PACRG: variants seen among roughly 807,000 people sequenced by gnomAD.
PACRG encodes parkin coregulated.
A neutral mutation model predicts 29.7 loss-of-function variants in PACRG; 29 were observed. The observed-to-expected ratio is 0.98, with a 90% confidence interval of 0.73 to 1.33. The LOEUF (loss-of-function observed/expected upper bound fraction) is 1.33, where lower values mean the gene tolerates loss of function less well. Ranked by LOEUF, PACRG falls within the 40% of genes most tolerant of loss-of-function variation. The pLI, the probability that PACRG is intolerant of heterozygous loss-of-function variation, is 0.00. For synonymous variants in PACRG, 116 were observed against 118.7 expected (o/e 0.98, Z 0.15); for missense variants, 279 against 316.2 (o/e 0.88, Z 0.89).
intron 1 of PACRG, among the ~76,000 whole-genome samples, chr6:162,734,837 C>T (rs535362116): frequency 6.6e-6 from 1 of 152,320 alleles, no homozygotes; most frequent in South Asian, 2.1e-4. Flanking sequence ...ATACAACCAA[C>T]ACCCAAATCC....
intron 4 of PACRG, among the ~76,000 whole-genome samples, chr6:163,116,990 C>T (rs1178724826): frequency 1.3e-5 from 2 of 152,102 alleles, no homozygotes; most frequent in Admixed American, 6.5e-5. Context: ...TGTCCCGTGG[C>T]CAGCATCATT....
At chr6:163,062,343 C>T (rs201663557) in intron 3 of PACRG, 22 bp downstream of exon 3, 262 of 1,603,262 alleles carry the variant, frequency 1.6e-4, no homozygotes, top group Middle Eastern at 1.2e-3. Flanking sequence ...GGTGAAAAAG[C>T]ATCACTCAGT....
intron 4 of PACRG, among the ~76,000 whole-genome samples, chr6:163,093,128 G>A (rs1814265074): frequency 6.6e-6 from 1 of 152,192 alleles, no homozygotes; most frequent in Admixed American, 6.5e-5. Flanking sequence ...TAATCTCTCA[G>A]CTTGAATATG....
chr6:162,889,583 A>G (rs1339401989), intron 2 of PACRG, among the ~76,000 whole-genome samples: 1 of 152,198 alleles, frequency 6.6e-6, no homozygotes, highest in African/African-American at 2.4e-5. Flanking sequence ...AAACCAATAC[A>G]TTCTGTCTTC....
At chr6:163,094,362 A>T (rs1333045730) in intron 4 of PACRG, among the ~76,000 whole-genome samples, 1 of 152,240 alleles carries the variant, frequency 6.6e-6, no homozygotes, top group African/African-American at 2.4e-5. Flanking sequence ...CCATGAGATT[A>T]TCCTAAATTC....
chr6:163,063,734 A>G (rs1286538768), intron 3 of PACRG, among the ~76,000 whole-genome samples: 1 of 152,046 alleles, frequency 6.6e-6, no homozygotes, highest in African/African-American at 2.4e-5. Flanking sequence ...AAACCAAACC[A>G]AAGGACGGTG....
At chr6:163,034,148 C>A (rs1048053822) in intron 2 of PACRG, among the ~76,000 whole-genome samples, 3 of 152,062 alleles carry the variant, frequency 2.0e-5, no homozygotes, top group African/African-American at 7.2e-5. Flanking sequence ...AGAGAAAGAC[C>A]CACCCATTGC....
chr6:163,099,987 G>A (rs1369894259), intron 4 of PACRG, among the ~76,000 whole-genome samples: 1 of 152,204 alleles, frequency 6.6e-6, no homozygotes, highest in South Asian at 2.1e-4. Context: ...CTAGGAGCTC[G>A]CAGAGGGACG....
intron 2 of PACRG, among the ~76,000 whole-genome samples, chr6:162,984,820 G>C (rs181971560): frequency 6.8e-6 from 1 of 147,670 alleles, no homozygotes; most frequent in African/African-American, 2.5e-5. Flanking sequence ...TTTGAGAATT[G>C]TCTATTCATG....
At chr6:163,263,283 T>G (rs940023445) in intron 4 of PACRG, among the ~76,000 whole-genome samples, 6 of 151,886 alleles carry the variant, frequency 4.0e-5, no homozygotes, top group African/African-American at 1.4e-4. Flanking sequence ...CCAACTAGAC[T>G]TGAACAGGCT....
At chr6:162,792,587 A>G (rs1037033853) in intron 1 of PACRG, among the ~76,000 whole-genome samples, 1 of 152,166 alleles carries the variant, frequency 6.6e-6, no homozygotes, top group Non-Finnish European at 1.5e-5. Context: ...AATGGGATAG[A>G]ACAGTCTGAA....
At chr6:163,278,179 G>A (rs1784113351) in intron 4 of PACRG, among the ~76,000 whole-genome samples, 1 of 151,812 alleles carries the variant, frequency 6.6e-6, no homozygotes, top group Admixed American at 6.6e-5. Flanking sequence ...CTTTTTGATG[G>A]GATTGCTTGA....
chr6:163,099,465 A>G (rs77572859), intron 4 of PACRG, among the ~76,000 whole-genome samples: 1,665 of 152,356 alleles, frequency 0.011, 13 homozygotes, highest in Middle Eastern at 0.037. Flanking sequence ...ACTTAATCTG[A>G]GCAAGAAAGC....
At chr6:162,943,426 C>A (rs1443486548) in intron 2 of PACRG, among the ~76,000 whole-genome samples, 5 of 152,124 alleles carry the variant, frequency 3.3e-5, no homozygotes, top group African/African-American at 1.2e-4. Flanking sequence ...GACAAGGTAC[C>A]CTGCCTGCCA....
chr6:162,809,044 G>T (rs1416800462), intron 1 of PACRG, among the ~76,000 whole-genome samples: 1 of 151,664 alleles, frequency 6.6e-6, no homozygotes, highest in East Asian at 1.9e-4. Context: ...AGATGTTTAG[G>T]ATTATATGGA....
At chr6:162,916,842 G>A (rs1168284718) in intron 2 of PACRG, among the ~76,000 whole-genome samples, 1 of 151,906 alleles carries the variant, frequency 6.6e-6, no homozygotes, top group African/African-American at 2.4e-5. Flanking sequence ...ATGATGAATG[G>A]AGCTGGCCCA....
At chr6:163,111,444 A>G (rs1585228256) in intron 4 of PACRG, among the ~76,000 whole-genome samples, 1 of 152,246 alleles carries the variant, frequency 6.6e-6, no homozygotes, top group East Asian at 1.9e-4. Flanking sequence ...TACAAACAAC[A>G]TCCACACAGC....
intron 1 of PACRG, among the ~76,000 whole-genome samples, chr6:162,751,184 A>G (rs1375607875): frequency 6.6e-6 from 1 of 152,092 alleles, no homozygotes; most frequent in African/African-American, 2.4e-5. Flanking sequence ...AAAGCACTTC[A>G]GAGTTAGCAT....
chr6:162,788,894 G>C (rs2128323547), intron 1 of PACRG, among the ~76,000 whole-genome samples: 1 of 152,078 alleles, frequency 6.6e-6, no homozygotes, highest in East Asian at 1.9e-4. Context: ...TTTTATATTA[G>C]AATAACAGGC....
Sources: gnomAD v4.1 joint callset for allele counts (sites outside exome capture counted in the v4.1 genomes callset) on GRCh38, gnomAD v4.1.1 for gene constraint, MANE v1.5 for transcripts, NCBI Gene and HGNC (gene_info 2026-07-23, HGNC 2026-07-21) for gene names.